ARHGEF7: variants seen among roughly 807,000 people sequenced by gnomAD.
ARHGEF7 encodes Rho guanine nucleotide exchange factor 7, also known as PAK-interacting exchange factor beta.
In ARHGEF7, 33 loss-of-function variants were observed where a neutral mutation model predicts 109.8. The observed-to-expected ratio is 0.30, with a 90% confidence interval of 0.23 to 0.40. ARHGEF7 has a LOEUF of 0.40. ARHGEF7 is among the 10% of genes least tolerant of loss of function. ARHGEF7 has a pLI of 1.00. For synonymous variants in ARHGEF7, 458 were observed against 424.6 expected, an observed-to-expected ratio of 1.08 and a Z score of -0.97; for missense variants, 938 against 1,098.5, an observed-to-expected ratio of 0.85 and a Z score of 2.07.
At chr13:111,246,460 C>G (rs900874135) in intron 8 of ARHGEF7, among the ~76,000 whole-genome samples, 13 of 152,136 alleles carry the variant, frequency 8.5e-5, no homozygotes, top group Admixed American at 7.9e-4. Flanking sequence ...TGTTCCCTTA[C>G]CTTTTTGGCT....
At chr13:111,247,090 A>G (rs1022371845) in intron 8 of ARHGEF7, among the ~76,000 whole-genome samples, 1 of 152,198 alleles carries the variant, frequency 6.6e-6, no homozygotes, top group African/African-American at 2.4e-5. Flanking sequence ...CCACGGGGAA[A>G]TGGAATGTAC....
At position 111,115,700 on chromosome 13, in the gene ARHGEF7, C is replaced by A; in HGVS notation, c.165+9C>A. The A allele has an allele frequency of 8.5e-7, 1 of 1,177,370 alleles. No individual in the cohort carries two copies. Among genetic ancestry groups the A allele is most frequent in the Non-Finnish European group, 1.1e-6 (1 of 949,102 alleles). 72.9% of individuals were successfully genotyped at this position (1,177,370 alleles called of 1,614,324 possible). ...CCGGGACCATCGAGAAAGTAAGTCC[C>A]GGCCCGCGCCCCCGCCCGCGCCCCC... On this transcript the variant is annotated intron_variant, in intron 1 of 21. Transcript: ENST00000646102.
chr13:111,256,953 C>T (rs927091000), intron 8 of ARHGEF7, among the ~76,000 whole-genome samples: 13 of 152,220 alleles, frequency 8.5e-5, no homozygotes, highest in Admixed American at 4.6e-4. Flanking sequence ...GTCTTCAAGA[C>T]GTTTGGACAG....
intron 1 of ARHGEF7, among the ~76,000 whole-genome samples, chr13:111,150,097 G>A (rs2075819514): frequency 6.6e-6 from 1 of 152,208 alleles, no homozygotes; most frequent in African/African-American, 2.4e-5. Context: ...TTTGCAACTT[G>A]TTGATGGTGT....
Position 111,292,193 on chromosome 13 carries a change from G to T in ARHGEF7, c.2210G>T (p.Arg737Leu). The T allele has an allele frequency of 6.2e-7, 1 of 1,614,076 alleles. No homozygotes were observed. The highest frequency in any genetic ancestry group is 8.5e-7 in the Non-Finnish European group (1 of 1,180,032). ...CAACCAAGCCTAGACTCCCTGGGGC[G>T]TCGCAGTAGCCTTTCTCGTTTGGAG... The part of the protein sequence containing the change: ...DDQPSLDSLG[R>L]RSSLSRLEPS... The change falls in exon 19 of 22, where the codon CGT (arginine) becomes CTT (leucine). Residue 737 changes from arginine to leucine, a missense_variant. By Grantham distance (102) the Arg-to-Leu change is moderately radical (BLOSUM62 -2). Coordinates refer to ENST00000646102, the MANE Select transcript of ARHGEF7 (RefSeq NM_001354046.2).
At chr13:111,210,870 C>T (rs2082409280) in intron 4 of ARHGEF7, among the ~76,000 whole-genome samples, 1 of 152,138 alleles carries the variant, frequency 6.6e-6, no homozygotes, top group Non-Finnish European at 1.5e-5. Flanking sequence ...TTTTCCTCTG[C>T]CTTAACATGG....
At chr13:111,277,865 CA>C (rs199952582) in intron 13 of ARHGEF7, among the ~76,000 whole-genome samples, 192 bp downstream of exon 13, 2 of 151,982 alleles carry the variant, frequency 1.3e-5, no homozygotes, top group African/African-American at 4.8e-5. Flanking sequence ...ATGTTAATTT[CA>C]AAAAAGGAAA....
rs555768917 is a variant in ARHGEF7 at position 111,218,261 on chromosome 13, C to T, written c.670+381C>T. ...TTGTGACTATGGGTGGTACTTTTGG[C>T]AGTGGTGTGCAATGAAGTAATTTCT... On this transcript the variant is annotated intron_variant, in intron 5 of 21. Coordinates refer to ENST00000646102, the MANE Select transcript of ARHGEF7 (RefSeq NM_001354046.2). Among the ~76,000 whole-genome samples, 4 of 151,818 alleles carry T rather than the reference C, an allele frequency of 2.6e-5. No individual in the cohort carries two copies. The East Asian group carries it at 5.8e-4, about 22-fold the overall frequency.
intron 19 of ARHGEF7, among the ~76,000 whole-genome samples, chr13:111,297,723 A>G (rs2093458431): frequency 6.6e-6 from 1 of 152,238 alleles, no homozygotes; most frequent in Non-Finnish European, 1.5e-5. Flanking sequence ...CACGTGGCTC[A>G]TGGCCTCACA....
chr13:111,128,701 CAT>C (rs1271736703), intron 1 of ARHGEF7, among the ~76,000 whole-genome samples: 13 of 152,164 alleles, frequency 8.5e-5, no homozygotes, highest in South Asian at 2.1e-4. Flanking sequence ...ATAAGAAAAA[CAT>C]GTACACTCTC....
intron 2 of ARHGEF7, among the ~76,000 whole-genome samples, chr13:111,169,411 C>T (rs529511575): frequency 6.6e-6 from 1 of 152,126 alleles, no homozygotes; most frequent in East Asian, 1.9e-4. Context: ...AAAGGGGAAG[C>T]AGGCTCGTCT....
chr13:111,166,354 G>T (rs966447419), intron 2 of ARHGEF7, among the ~76,000 whole-genome samples: 6 of 152,210 alleles, frequency 3.9e-5, no homozygotes, highest in Admixed American at 1.3e-4. Context: ...TCCTCCAAGT[G>T]ATATGGAGCC....
At chr13:111,249,575 T>C (rs574322336) in intron 8 of ARHGEF7, among the ~76,000 whole-genome samples, 1 of 152,190 alleles carries the variant, frequency 6.6e-6, no homozygotes, top group East Asian at 1.9e-4. Context: ...GTTGTGCGTT[T>C]TTCTCAGGGT....
intron 5 of ARHGEF7, among the ~76,000 whole-genome samples, chr13:111,227,058 C>G (rs1420112142): frequency 6.6e-6 from 1 of 152,206 alleles, no homozygotes; most frequent in Non-Finnish European, 1.5e-5. Context: ...TGTGACTGAA[C>G]TGCTGCAGTC....
chr13:111,300,744 C>T lies in ARHGEF7; in HGVS notation c.2312-4C>T. ...GTTTATTTATTATTTTTTCATGATC[C>T]TAGGTTCACGCAAAGAATCTGCTCC... On this transcript the variant is annotated splice_polypyrimidine_tract_variant and splice_region_variant and intron_variant, in intron 19 of 21. Transcript: ENST00000646102. The T allele has an allele frequency of 6.3e-7, 1 of 1,596,126 alleles. No individual in the cohort carries two copies. The highest frequency in any genetic ancestry group is 2.2e-5 in the East Asian group (1 of 44,494).
intron 2 of ARHGEF7, among the ~76,000 whole-genome samples, chr13:111,183,918 G>A (rs2078995984): frequency 1.3e-5 from 2 of 152,094 alleles, no homozygotes; most frequent in Non-Finnish European, 2.9e-5. Context: ...GGGTTGACGG[G>A]GGTCACTTGC....
At chr13:111,149,317 T>C (rs2075774817) in intron 1 of ARHGEF7, among the ~76,000 whole-genome samples, 1 of 152,148 alleles carries the variant, frequency 6.6e-6, no homozygotes, top group Non-Finnish European at 1.5e-5. Flanking sequence ...TATGTAATAA[T>C]TTATAAAAAT....
intron 18 of ARHGEF7, among the ~76,000 whole-genome samples, chr13:111,289,514 G>T (rs1412696836): frequency 6.6e-6 from 1 of 152,180 alleles, no homozygotes; most frequent in Non-Finnish European, 1.5e-5. Context: ...TTGAGAACTG[G>T]ATGATTTCTG....
intron 9 of ARHGEF7, among the ~76,000 whole-genome samples, chr13:111,269,102 T>G (rs1362854529): frequency 6.6e-6 from 1 of 152,174 alleles, no homozygotes; most frequent in African/African-American, 2.4e-5. Flanking sequence ...GTGGGCCATG[T>G]CCGCAGCATC....
Sources: allele counts gnomAD v4.1 joint callset (sites outside exome capture counted in the v4.1 genomes callset), GRCh38; gene constraint gnomAD v4.1.1; transcripts MANE v1.5; gene names NCBI Gene and HGNC (gene_info 2026-07-23, HGNC 2026-07-21).